TTC21A: variants seen among roughly 807,000 people sequenced by gnomAD.
TTC21A encodes the protein tetratricopeptide repeat protein 21A.
In TTC21A, 128 loss-of-function variants were observed where a neutral mutation model predicts 156.4. The ratio of observed to expected loss-of-function variants is 0.82; its 90% CI spans 0.71 to 0.95. TTC21A has a LOEUF of 0.95. Ranked by LOEUF, TTC21A falls within the 40% of genes least tolerant of loss-of-function variation. The pLI, the probability that TTC21A is intolerant of heterozygous loss-of-function variation, is 0.00. For synonymous variants in TTC21A, 587 were observed against 617.1 expected (o/e 0.95, Z 0.72); for missense variants, 1,435 against 1,602.3 (o/e 0.90, Z 1.78).
In TTC21A at chr3:39,130,253, G is replaced by C; in HGVS notation, c.2214G>C (p.Glu738Asp). 6.2e-7 allele frequency: 1 copy of C among 1,613,560 alleles called. No homozygotes were observed. Among genetic ancestry groups the C allele is most frequent in the South Asian group, 1.1e-5 (1 of 90,970 alleles). Residue 738 changes from glutamate (E) to aspartate (D), a missense_variant, in exon 17 of 29, where the codon GAG becomes GAC. By Grantham distance (45) the Glu-to-Asp change is conservative (BLOSUM62 2). Transcript: ENST00000683103. The surrounding 1 kb of genome is among the most constrained non-coding windows in gnomAD (Gnocchi z 4.5). ...AAAGACACTTTCCCCACCAGCCCGAGAAGGCCCTGGAGGTCTATGATGAGG... is the reference window on the plus strand; with the variant it reads ...AAAGACACTTTCCCCACCAGCCCGACAAGGCCCTGGAGGTCTATGATGAGG... ...GDALMSILEP[E>D]KALEVYDEAY...
Position 39,138,869 on chromosome 3 carries a change from A to G in TTC21A, c.*81A>G, listed in dbSNP as rs879338889. On this transcript the variant is annotated 3_prime_UTR_variant, in exon 29 of 29. Coordinates refer to ENST00000683103, the MANE Select transcript of TTC21A (RefSeq NM_001366900.1). ...AGGGATGGAAAGTGGGTCAGTGGAGAAGGGATTCAGAAAATGACACATTCT... is the reference window on the plus strand; with the variant it reads ...AGGGATGGAAAGTGGGTCAGTGGAGGAGGGATTCAGAAAATGACACATTCT... 2.6e-6 allele frequency: 3 copies of G among 1,167,856 alleles called. No individual in the cohort carries two copies. The highest frequency in any genetic ancestry group is 3.7e-6 in the Non-Finnish European group (3 of 803,488). The allele number at this position is 1,167,856 out of a possible 1,614,324, so 72.3% of individuals were successfully genotyped here.
At chr3:39,118,225 C>A in intron 7 of TTC21A, 72 bp downstream of exon 7, 1 of 1,482,394 alleles carries the variant, frequency 6.7e-7, no homozygotes, top group Non-Finnish European at 9.4e-7. Context: ...GACCTGTGCA[C>A]CTGACCCAAA....
At chr3:39,111,146 C>G in intron 4 of TTC21A, 129 bp downstream of exon 4, 1 of 1,008,452 alleles carries the variant, frequency 9.9e-7, no homozygotes, top group Non-Finnish European at 1.4e-6. Context: ...TGGCAAAACA[C>G]CGGGTCTCAC....
Position 39,130,724 on chromosome 3 carries a change from C to T in TTC21A, c.2343C>T (p.Ala781=). 1 of 1,614,086 alleles carries T rather than the reference C, an allele frequency of 6.2e-7. No individual in the cohort carries two copies. The highest frequency in any genetic ancestry group is 2.2e-5 in the East Asian group (1 of 44,878). The part of the protein sequence containing the change: ...YTEAIEYYEA[A]QKINGQDFLC... The stretch of plus-strand genomic sequence containing the variant: ...AGGCAATTGAGTATTATGAGGCTGC[C>T]CAGAAGATTAATGGACAGGACTTTC... Residue 781 remains alanine, a synonymous_variant, in exon 18 of 29, where the codon GCC becomes GCT. Transcript: ENST00000683103. This position sits in a 1 kb window ranked among gnomAD's most constrained non-coding sequence, Gnocchi z 4.5.
At chr3:39,132,782 C>G in intron 19 of TTC21A, 1 of 515,528 alleles carries the variant, frequency 1.9e-6, no homozygotes, top group South Asian at 2.2e-5. Context: ...CACAGAACCT[C>G]AAGGTGTGAT....
At chr3:39,118,293 C>T (rs2037462267) in intron 7 of TTC21A, 140 bp downstream of exon 7, 5 of 789,366 alleles carry the variant, frequency 6.3e-6, no homozygotes, top group Middle Eastern at 2.3e-4. Context: ...CCCCTATACT[C>T]GCTGCCAAGG....
chr3:39,126,626 TACAC>T (rs58486401), intron 12 of TTC21A, among the ~76,000 whole-genome samples: 105,944 of 147,564 alleles, frequency 0.72, 40,392 homozygotes, highest in South Asian at 0.84. Flanking sequence ...CCTGGTGTAC[TACAC>T]ACACACACAC....
chr3:39,116,852 A>T (rs1376479087), intron 6 of TTC21A, among the ~76,000 whole-genome samples: 2 of 152,102 alleles, frequency 1.3e-5, no homozygotes, highest in East Asian at 3.8e-4. Context: ...CTTTTTAAAA[A>T]TTTTAGTTTT....
intron 19 of TTC21A, among the ~76,000 whole-genome samples, chr3:39,132,427 A>C (rs533996042): frequency 4.6e-5 from 7 of 152,216 alleles, no homozygotes; most frequent in Non-Finnish European, 1.5e-5. Context: ...TGTGGCCTCA[A>C]ACTTGTTCCT....
At chr3:39,129,407 A>G in intron 15 of TTC21A, 97 bp downstream of exon 15, 7 of 926,682 alleles carry the variant, frequency 7.6e-6, no homozygotes, top group Non-Finnish European at 1.0e-5. Flanking sequence ...GGTCTCCAGA[A>G]TGTGTCCTTG....
At position 39,135,189 on chromosome 3, in the gene TTC21A, G is replaced by A. The variant is rs2039022040; in HGVS notation, c.2944+15G>A. 1 of 1,610,484 alleles carries A rather than the reference G, an allele frequency of 6.2e-7. No individual in the cohort carries two copies. ...GAAAGCGCCAGGTAATTCTGCCCAT[G>A]GAGACTGCCTGTACCAGTTCCCACT... On this transcript the variant is annotated intron_variant, in intron 22 of 28. Coordinates refer to ENST00000683103, the MANE Select transcript of TTC21A (RefSeq NM_001366900.1).
Position 39,110,126 on chromosome 3 carries a change from A to G in TTC21A, c.255A>G (p.Arg85=). 1.2e-6 allele frequency: 2 copies of G among 1,613,620 alleles called. No homozygotes were observed. The highest frequency in any genetic ancestry group is 1.3e-5 in the African/African-American group (1 of 75,014). Residue 85 remains arginine (R), a synonymous_variant, in exon 3 of 29, where the codon AGA becomes AGG. Transcript: ENST00000683103. ...STMALIYAHK[R]CEIIDREAIQ... ...TGGCCCTCATTTATGCTCACAAAAGATGTGAAATCATTGGTGAGTGCCACC... is the reference window on the plus strand; with the variant it reads ...TGGCCCTCATTTATGCTCACAAAAGGTGTGAAATCATTGGTGAGTGCCACC...
At position 39,130,804 on chromosome 3, in the gene TTC21A, A is replaced by G. The variant is rs1367724983; in HGVS notation, c.2423A>G (p.Glu808Gly). 2 of 1,614,104 alleles carry G rather than the reference A, an allele frequency of 1.2e-6. No individual in the cohort carries two copies. Among genetic ancestry groups the G allele is most frequent in the African/African-American group, 2.7e-5 (2 of 74,932 alleles). Residue 808 changes from glutamate (E) to glycine (G), a missense_variant, in exon 18 of 29, where the codon GAA becomes GGA. By Grantham distance (98) the Glu-to-Gly change is moderately conservative. Coordinates refer to ENST00000683103, the MANE Select transcript of TTC21A (RefSeq NM_001366900.1). The surrounding 1 kb of genome is among the most constrained non-coding windows in gnomAD (Gnocchi z 4.5). ...AAGTTAAAGAAGGTCAATAAAGCAG[A>G]AAAAGTTTTGAAGCAGGCACTGGAA... ...LLKLKKVNKA[E>G]KVLKQALEHD...
rs887867855 is a variant in TTC21A, at chr3:39,107,884, T to C, written c.27+20T>C. ...CTTATGGTGCGTGGCCCGGGCGCTG[T>C]CCGAGGGCTCCCTCGTGACTCCCCG... On this transcript the variant is annotated intron_variant, in intron 1 of 28. Transcript: ENST00000683103. 6.2e-7 allele frequency: 1 copy of C among 1,611,720 alleles called. No individual in the cohort carries two copies. Among genetic ancestry groups the C allele is most frequent in the Non-Finnish European group, 8.5e-7 (1 of 1,179,814 alleles).
chr3:39,118,451 G>A, intron 7 of TTC21A: 1 of 478,622 alleles, frequency 2.1e-6, no homozygotes, highest in Non-Finnish European at 3.8e-6. Flanking sequence ...CTTCCTGTTT[G>A]TAAAATAGAC....
intron 3 of TTC21A, 61 bp from the exon 4 acceptor site, chr3:39,110,790 G>T: frequency 6.2e-7 from 1 of 1,600,882 alleles, no homozygotes; most frequent in Non-Finnish European, 8.5e-7. Flanking sequence ...GGTGGCCCAT[G>T]CAGAACCAGG....
At chr3:39,112,122 G>A (rs1413101969) in intron 4 of TTC21A, among the ~76,000 whole-genome samples, 3 of 152,236 alleles carry the variant, frequency 2.0e-5, no homozygotes, top group Non-Finnish European at 1.5e-5. Context: ...TGACAGGATA[G>A]GTGAGTGTGC....
In TTC21A at chr3:39,134,455, G is replaced by C. The variant is rs768322601; in HGVS notation, c.2862+127G>C. ...CTCACTGACACACCTCTGAGGAGCTGTCGGGCAGAGAGGACTCAGTGCTGC... is the reference window on the plus strand; with the variant it reads ...CTCACTGACACACCTCTGAGGAGCTCTCGGGCAGAGAGGACTCAGTGCTGC... On this transcript the variant is annotated intron_variant, in intron 21 of 28. Coordinates refer to ENST00000683103, the MANE Select transcript of TTC21A (RefSeq NM_001366900.1). This position sits in a 1 kb window ranked among gnomAD's most constrained non-coding sequence, Gnocchi z 4.6. The C allele has an allele frequency of 2.6e-6, 2 of 764,572 alleles. No individual in the cohort carries two copies. The highest frequency in any genetic ancestry group is 4.7e-6 in the Non-Finnish European group (2 of 421,634). 47.4% of individuals were successfully genotyped at this position (764,572 alleles called of 1,614,324 possible).
In TTC21A at chr3:39,131,089, G is replaced by C; in HGVS notation, c.2556G>C (p.Leu852Phe). 1 of 1,607,220 alleles carries C rather than the reference G, an allele frequency of 6.2e-7. No homozygotes were observed. ...SHKKEAVIET[L>F]NKALDLQSRI... ...AAAAAGAAGCTGTGATAGAAACTTT[G>C]AACAAGGTAATTGACAGGTGGACTC... Residue 852 changes from leucine (L) to phenylalanine (F), a missense_variant, in exon 19 of 29, where the codon TTG becomes TTC. Coordinates refer to ENST00000683103, the MANE Select transcript of TTC21A (RefSeq NM_001366900.1).
Sources: allele counts gnomAD v4.1 joint callset (sites outside exome capture counted in the v4.1 genomes callset), GRCh38; gene constraint gnomAD v4.1.1; non-coding constraint Gnocchi (gnomAD v3.1); transcripts MANE v1.5; gene names NCBI Gene and HGNC (gene_info 2026-07-23, HGNC 2026-07-21).